ASIC2: variants seen among roughly 807,000 people sequenced by gnomAD.
The protein encoded by ASIC2 is acid sensing ion channel subunit 2.
Under a neutral mutation model 57.3 loss-of-function variants are expected in ASIC2, and 25 were observed. The observed-to-expected ratio is 0.44, with a 90% CI of 0.32 to 0.61. The LOEUF (loss-of-function observed/expected upper bound fraction) is 0.61, where lower values mean the gene tolerates loss of function less well. ASIC2 is among the 20% of genes least tolerant of loss of function. The pLI is 0.06. For synonymous variants in ASIC2, 319 were observed against 307.5 expected, an observed-to-expected ratio of 1.04 and a Z score of -0.39; for missense variants, 641 against 738.1, an observed-to-expected ratio of 0.87 and a Z score of 1.52.
At chr17:33,708,553 C>A (rs1049367502) in intron 1 of ASIC2, among the ~76,000 whole-genome samples, 3 of 152,186 alleles carry the variant, frequency 2.0e-5, no homozygotes, top group Non-Finnish European at 4.4e-5. Flanking sequence ...AGCTCTGAAG[C>A]CAAGATCTCC....
At chr17:34,006,602 T>C (rs1906533336) in intron 1 of ASIC2, 2 of 151,822 alleles carry the variant, frequency 1.3e-5, no homozygotes, top group South Asian at 4.2e-4. Flanking sequence ...TTTTCACTTA[T>C]TTTTAAAAAT....
At chr17:33,635,318 T>C (rs1906321503) in intron 1 of ASIC2, among the ~76,000 whole-genome samples, 1 of 152,264 alleles carries the variant, frequency 6.6e-6, no homozygotes, top group South Asian at 2.1e-4. Flanking sequence ...TATTGTTTCA[T>C]TTAACACTAC....
At chr17:33,877,127 G>A (rs967482035) in intron 1 of ASIC2, among the ~76,000 whole-genome samples, 1 of 152,160 alleles carries the variant, frequency 6.6e-6, no homozygotes, top group Non-Finnish European at 1.5e-5. Flanking sequence ...CTGAATAAAA[G>A]TCTGATGAGG....
At chr17:33,467,952 A>G (rs569181065) in intron 1 of ASIC2, among the ~76,000 whole-genome samples, 12 of 152,182 alleles carry the variant, frequency 7.9e-5, no homozygotes, top group Non-Finnish European at 1.8e-4. Context: ...CTCTTCAAAT[A>G]TTTTACAGCA....
intron 1 of ASIC2, among the ~76,000 whole-genome samples, chr17:33,129,761 C>A (rs2092337916): frequency 6.6e-6 from 1 of 152,164 alleles, no homozygotes; most frequent in Admixed American, 6.5e-5. Context: ...AACACCTGAG[C>A]CCCTGTCCTG....
At chr17:33,989,671 C>T (rs191178945) in intron 1 of ASIC2, among the ~76,000 whole-genome samples, 2 of 152,228 alleles carry the variant, frequency 1.3e-5, no homozygotes. Flanking sequence ...AATTAAAATC[C>T]CTAGCCCATT....
chr17:33,470,009 AT>A (rs765646994), intron 1 of ASIC2, among the ~76,000 whole-genome samples: 2,738 of 146,910 alleles, frequency 0.019, 30 homozygotes, highest in Middle Eastern at 0.057. Flanking sequence ...ACAACCAGTA[AT>A]AATGCATAAT....
chr17:33,110,766 C>T (rs2092254854), intron 2 of ASIC2, among the ~76,000 whole-genome samples: 1 of 152,222 alleles, frequency 6.6e-6, no homozygotes, highest in African/African-American at 2.4e-5. Flanking sequence ...TCAATGGACT[C>T]AAGGCACAGG....
intron 1 of ASIC2, among the ~76,000 whole-genome samples, chr17:34,023,534 T>C (rs1274638998): frequency 1.3e-5 from 2 of 152,296 alleles, no homozygotes; most frequent in Non-Finnish European, 2.9e-5. Flanking sequence ...GTGGGGCCTT[T>C]CAGAGTTGCT....
chr17:33,856,446 A>G (rs563508911), intron 1 of ASIC2, among the ~76,000 whole-genome samples: 9 of 152,142 alleles, frequency 5.9e-5, no homozygotes, highest in East Asian at 1.9e-4. Flanking sequence ...GGGTGGTAGT[A>G]GTAGTAATAG....
chr17:33,331,289 C>T (rs961831814), intron 1 of ASIC2, among the ~76,000 whole-genome samples: 5 of 152,122 alleles, frequency 3.3e-5, no homozygotes, highest in African/African-American at 9.7e-5. Context: ...GGTTGGGGAT[C>T]GCTGCTTTGG....
chr17:33,929,774 C>T (rs1204056717), intron 1 of ASIC2, among the ~76,000 whole-genome samples: 1 of 152,168 alleles, frequency 6.6e-6, no homozygotes, highest in African/African-American at 2.4e-5. Context: ...TTCACCTTAG[C>T]CAAAATAGCC....
chr17:33,179,404 C>A (rs145075052), intron 1 of ASIC2, among the ~76,000 whole-genome samples: 1 of 152,178 alleles, frequency 6.6e-6, no homozygotes, highest in African/African-American at 2.4e-5. Context: ...GTCAGTCAGC[C>A]GGCATATGGA....
chr17:33,098,640 C>T (rs1455492363), intron 2 of ASIC2, among the ~76,000 whole-genome samples: 1 of 152,168 alleles, frequency 6.6e-6, no homozygotes, highest in Non-Finnish European at 1.5e-5. Flanking sequence ...AAACTTCAGC[C>T]CCTCCTGCAA....
chr17:34,008,554 A>G (rs891398696), intron 1 of ASIC2, among the ~76,000 whole-genome samples: 6 of 152,190 alleles, frequency 3.9e-5, no homozygotes, highest in African/African-American at 1.4e-4. Flanking sequence ...CAGCAAGCTG[A>G]ACCTGGGTTT....
chr17:33,690,889 A>G (rs896394479), intron 1 of ASIC2, among the ~76,000 whole-genome samples: 2 of 151,456 alleles, frequency 1.3e-5, no homozygotes, highest in African/African-American at 4.9e-5. Context: ...AGCTGGGACT[A>G]CAGGCTCCTG....
chr17:33,174,990 C>A (rs1319105653), intron 1 of ASIC2, among the ~76,000 whole-genome samples: 1 of 152,114 alleles, frequency 6.6e-6, no homozygotes, highest in Admixed American at 6.5e-5. Flanking sequence ...CCTACTCCTG[C>A]CAAAAGTGGA....
At chr17:34,073,441 G>A (rs554910061) in intron 1 of ASIC2, among the ~76,000 whole-genome samples, 18 of 152,342 alleles carry the variant, frequency 1.2e-4, no homozygotes, top group African/African-American at 4.1e-4. Flanking sequence ...GAGAAGGACT[G>A]TAGGGAAAGT....
chr17:33,190,539 T>C (rs763116855), intron 1 of ASIC2, among the ~76,000 whole-genome samples: 11 of 152,128 alleles, frequency 7.2e-5, no homozygotes, highest in Non-Finnish European at 1.5e-4. Flanking sequence ...GACAAGCTAC[T>C]ACTAAAAATT....
Sources: allele counts gnomAD v4.1 joint callset (sites outside exome capture counted in the v4.1 genomes callset), GRCh38; gene constraint gnomAD v4.1.1; transcripts MANE v1.5; gene names NCBI Gene and HGNC (gene_info 2026-07-23, HGNC 2026-07-21).